PRR11: variants seen among roughly 807,000 people sequenced by gnomAD.
PRR11 encodes proline-rich protein 11.
A neutral mutation model predicts 45.6 loss-of-function variants in PRR11; 30 were observed. The observed-to-expected ratio is 0.66, with a 90% confidence interval of 0.49 to 0.89. The LOEUF is 0.89. Ranked by LOEUF, PRR11 falls within the 40% of genes least tolerant of loss-of-function variation. The pLI, the probability that PRR11 is intolerant of heterozygous loss-of-function variation, is 0.00. For synonymous variants in PRR11, 128 were observed against 153.5 expected, an observed-to-expected ratio of 0.83 and a Z score of 1.23; for missense variants, 373 against 424.8, an observed-to-expected ratio of 0.88 and a Z score of 1.07.
chr17:59,160,896 T>G (rs951438497), intron 1 of PRR11: 11 of 144,976 alleles, frequency 7.6e-5, no homozygotes, highest in African/African-American at 2.8e-4. Flanking sequence ...CACGCCAGGA[T>G]TTTTTTTTTT....
intron 1 of PRR11, among the ~76,000 whole-genome samples, chr17:59,164,379 G>T (rs1300444041): frequency 6.6e-6 from 1 of 151,938 alleles, no homozygotes; most frequent in Non-Finnish European, 1.5e-5. Context: ...CTGACTGAAA[G>T]TTTGGCCTAA....
At chr17:59,170,079 C>G (rs1245260473) in intron 2 of PRR11, among the ~76,000 whole-genome samples, 199 bp downstream of exon 2, 1 of 152,002 alleles carries the variant, frequency 6.6e-6, no homozygotes, top group Non-Finnish European at 1.5e-5. Context: ...GTGGCAAAAC[C>G]CTGTCTCTAC....
intron 1 of PRR11, among the ~76,000 whole-genome samples, chr17:59,158,532 A>G (rs1172955789): frequency 6.6e-6 from 1 of 152,188 alleles, no homozygotes; most frequent in Non-Finnish European, 1.5e-5. Context: ...TCAATCCAAA[A>G]CTAAAAAAAT....
At chr17:59,169,998 A>G in intron 2 of PRR11, 118 bp downstream of exon 2, 1 of 1,310,990 alleles carries the variant, frequency 7.6e-7, no homozygotes. Context: ...CATTCCTGTA[A>G]TCCCAGCACT....
rs941253658 is a variant in PRR11, at chr17:59,206,582, C to T, written c.*4951C>T. On this transcript the variant is annotated 3_prime_UTR_variant, in exon 10 of 10. Transcript: ENST00000262293. Reference sequence around the variant, plus strand: ...TAAGTGCTATGGCTTCCTTAAACTACGATTTATCATATGCTCCCAGTGTTT... The same window carrying T: ...TAAGTGCTATGGCTTCCTTAAACTATGATTTATCATATGCTCCCAGTGTTT... Among the ~76,000 whole-genome samples, 1 of 152,180 alleles carries T rather than the reference C, an allele frequency of 6.6e-6. No individual in the cohort carries two copies. Among genetic ancestry groups the T allele is most frequent in the South Asian group, 2.1e-4 (1 of 4,826 alleles).
At chr17:59,176,448 G>T (rs973519914) in intron 2 of PRR11, among the ~76,000 whole-genome samples, 1 of 152,102 alleles carries the variant, frequency 6.6e-6, no homozygotes, top group Non-Finnish European at 1.5e-5. Flanking sequence ...CAGTGGATTC[G>T]AGTGATGCAA....
chr17:59,186,354 T>C (rs963716737), intron 4 of PRR11, among the ~76,000 whole-genome samples: 1 of 147,442 alleles, frequency 6.8e-6, no homozygotes, highest in Admixed American at 6.8e-5. Flanking sequence ...GCAGAAGATC[T>C]GAAAAAAATT....
intron 1 of PRR11, among the ~76,000 whole-genome samples, chr17:59,161,234 C>T (rs1446994100): frequency 2.0e-5 from 3 of 151,934 alleles, no homozygotes; most frequent in Non-Finnish European, 2.9e-5. Context: ...TGGCGAAACC[C>T]CATCTCTACT....
rs2046893021 is a variant in PRR11 at position 59,201,630 on chromosome 17, G to A, written c.1082G>A (p.Ter361=). Reference sequence around the variant, plus strand: ...ACAAGCAGCTTTGATGAACAAAACTGATGCCAACTCTGCCTCACTCCATGA... The same window carrying A: ...ACAAGCAGCTTTGATGAACAAAACTAATGCCAACTCTGCCTCACTCCATGA... ...LSTSSFDEQN[*] Residue 361 remains the stop codon, a stop_retained_variant, in exon 10 of 10, where the codon TGA becomes TAA. Coordinates refer to ENST00000262293, the MANE Select transcript of PRR11 (RefSeq NM_018304.4). 6.2e-7 allele frequency: 1 copy of A among 1,613,142 alleles called. No homozygotes were observed. The highest frequency in any genetic ancestry group is 1.3e-5 in the African/African-American group (1 of 74,804).
intron 1 of PRR11, among the ~76,000 whole-genome samples, chr17:59,159,482 T>C (rs1490074051): frequency 1.3e-5 from 2 of 152,204 alleles, no homozygotes; most frequent in African/African-American, 4.8e-5. Flanking sequence ...ACAGTTGCAG[T>C]AGGTTTGTAA....
Position 59,193,682 on chromosome 17 carries a change from C to T in PRR11, c.593C>T (p.Pro198Leu). The change falls in exon 5 of 10, where the codon CCA becomes CTA. Residue 198 changes from proline (P) to leucine (L), a missense_variant. Pro to Leu is a moderately conservative substitution (Grantham distance 98). Transcript: ENST00000262293. The stretch of plus-strand genomic sequence containing the variant: ...CCTCCACCTCTGCCACCTCCTCCAC[C>T]ACCACTAGCACCTGTGTTGCTCAGA... ...PPPPPLPPPP[P>L]PLAPVLLRKP... 2.5e-6 allele frequency: 4 copies of T among 1,614,006 alleles called. No individual in the cohort carries two copies. The highest frequency in any genetic ancestry group is 1.7e-6 in the Non-Finnish European group (2 of 1,179,876).
At chr17:59,174,554 C>T (rs926884881) in intron 2 of PRR11, among the ~76,000 whole-genome samples, 6 of 152,220 alleles carry the variant, frequency 3.9e-5, no homozygotes, top group African/African-American at 7.2e-5. Context: ...GGGCTCCCTG[C>T]AGCCCCAACC....
rs1417992156 is a variant in PRR11, at chr17:59,169,886, G to T, written c.128+6G>T. The T allele has an allele frequency of 6.3e-7, 1 of 1,590,106 alleles. No homozygotes were observed. On this transcript the variant is annotated splice_donor_region_variant and intron_variant, in intron 2 of 9. Transcript: ENST00000262293. ...CCACCACCCTCACCAGAAAGGTAAG[G>T]CTTAATGTGGAACAGAAAAAATATT... is the stretch of plus-strand genomic sequence containing the variant.
intron 2 of PRR11, chr17:59,179,537 G>C (rs1243422045): frequency 7.3e-7 from 1 of 1,366,666 alleles, no homozygotes; most frequent in African/African-American, 1.5e-5. Context: ...CTCCCGCATG[G>C]AGAGCTCACC....
chr17:59,200,516 G>A (rs745449411), intron 9 of PRR11, among the ~76,000 whole-genome samples: 6 of 151,520 alleles, frequency 4.0e-5, no homozygotes, highest in African/African-American at 1.5e-4. Context: ...TTTTTGAGAC[G>A]GAGTCTCGCT....
intron 6 of PRR11, among the ~76,000 whole-genome samples, chr17:59,195,118 A>G (rs2046859366): frequency 6.6e-6 from 1 of 152,144 alleles, no homozygotes; most frequent in African/African-American, 2.4e-5. Flanking sequence ...CAAAATGTAT[A>G]TATTAGGAAA....
At chr17:59,174,787 G>T (rs766378550) in intron 2 of PRR11, among the ~76,000 whole-genome samples, 1 of 152,116 alleles carries the variant, frequency 6.6e-6, no homozygotes, top group Non-Finnish European at 1.5e-5. Flanking sequence ...TCTAGGAAAC[G>T]CGGTGCGATC....
At chr17:59,191,028 C>G (rs1284398806) in intron 4 of PRR11, among the ~76,000 whole-genome samples, 1 of 152,146 alleles carries the variant, frequency 6.6e-6, no homozygotes, top group Non-Finnish European at 1.5e-5. Context: ...TCCTCAAGCT[C>G]CAGGTCACCT....
At chr17:59,185,701 C>G in intron 4 of PRR11, 139 bp downstream of exon 4, 1 of 744,234 alleles carries the variant, frequency 1.3e-6, no homozygotes, top group South Asian at 2.0e-5. Flanking sequence ...TCTTTGTTAG[C>G]AAGGAATACA....
Sources: allele counts gnomAD v4.1 joint callset (sites outside exome capture counted in the v4.1 genomes callset), GRCh38; gene constraint gnomAD v4.1.1; transcripts MANE v1.5; gene names NCBI Gene and HGNC (gene_info 2026-07-23, HGNC 2026-07-21).